The following PDE4D variants were observed in gnomAD, a reference collection of about 807,000 sequenced individuals.
The protein encoded by PDE4D is phosphodiesterase 4D.
PDE4D carries 24 observed loss-of-function variants against 87.4 expected under a neutral mutation model. That is an observed-to-expected ratio of 0.27 (90% confidence interval 0.20 to 0.39). PDE4D has a LOEUF of 0.39. Ranked by LOEUF, PDE4D falls within the 10% of genes least tolerant of loss-of-function variation. PDE4D has a pLI of 1.00. For missense variants in PDE4D, 714 were observed against 1,041.0 expected, an observed-to-expected ratio of 0.69 and a Z score of 4.32; for synonymous variants, 384 against 383.2, an observed-to-expected ratio of 1.00 and a Z score of -0.02.
intron 2 of PDE4D, among the ~76,000 whole-genome samples, chr5:60,066,064 G>A (rs554350147): frequency 5.1e-4 from 77 of 152,238 alleles, no homozygotes; most frequent in Non-Finnish European, 9.0e-4. Context: ...GTGTAAAAGT[G>A]TTCCTATTTC....
chr5:59,653,890 GA>G (rs1450577966), intron 1 of PDE4D, among the ~76,000 whole-genome samples: 3 of 139,686 alleles, frequency 2.1e-5, no homozygotes, highest in African/African-American at 7.8e-5. Flanking sequence ...GGGGAGAGGA[GA>G]AGGGTGGGAG....
At chr5:59,767,246 C>CA (rs1279629743) in intron 1 of PDE4D, among the ~76,000 whole-genome samples, 2 of 151,884 alleles carry the variant, frequency 1.3e-5, no homozygotes, top group Admixed American at 6.6e-5. Context: ...TCAACTAACA[C>CA]ACTCATTCTT....
intron 1 of PDE4D, among the ~76,000 whole-genome samples, chr5:59,739,615 A>G (rs1234190424): frequency 6.6e-6 from 1 of 152,154 alleles, no homozygotes; most frequent in Non-Finnish European, 1.5e-5. Flanking sequence ...AAAAAACTCA[A>G]TATTTGAGAT....
chr5:59,182,363 T>C (rs1741859356), intron 4 of PDE4D, among the ~76,000 whole-genome samples: 1 of 151,878 alleles, frequency 6.6e-6, no homozygotes, highest in African/African-American at 2.4e-5. Flanking sequence ...GCTCTAGTGA[T>C]TCCCCCCACC....
intron 1 of PDE4D, among the ~76,000 whole-genome samples, chr5:60,355,894 AG>A (rs1759578425): frequency 6.6e-6 from 1 of 152,158 alleles, no homozygotes; most frequent in African/African-American, 2.4e-5. Context: ...TTACTGTCTC[AG>A]GGGTAGCAGA....
intron 1 of PDE4D, among the ~76,000 whole-genome samples, chr5:59,675,444 GACAA>G (rs971595494): frequency 2.0e-5 from 3 of 152,154 alleles, no homozygotes; most frequent in African/African-American, 7.2e-5. Flanking sequence ...AATGGCAATG[GACAA>G]ACAGTCATGA....
At chr5:59,581,601 A>G (rs962849093) in intron 1 of PDE4D, among the ~76,000 whole-genome samples, 28 of 152,340 alleles carry the variant, frequency 1.8e-4, no homozygotes, top group African/African-American at 5.1e-4. Flanking sequence ...AAACTATTTT[A>G]CTACAGCAGA....
At chr5:59,776,641 C>A (rs1764107750) in intron 1 of PDE4D, among the ~76,000 whole-genome samples, 1 of 151,924 alleles carries the variant, frequency 6.6e-6, no homozygotes, top group Admixed American at 6.6e-5. Context: ...GAGAGCAATG[C>A]CTAAGTTAAT....
chr5:59,399,041 T>C (rs1176828566), intron 1 of PDE4D, among the ~76,000 whole-genome samples: 8 of 123,812 alleles, frequency 6.5e-5, no homozygotes, highest in African/African-American at 2.2e-4. Flanking sequence ...GAAGGACTTC[T>C]TCAAGGAGAA....
At chr5:60,313,761 T>C (rs1034865008) in intron 1 of PDE4D, among the ~76,000 whole-genome samples, 2 of 152,200 alleles carry the variant, frequency 1.3e-5, no homozygotes, top group Non-Finnish European at 2.9e-5. Context: ...GTAGACTTTA[T>C]CCCTGGGATA....
At position 59,138,532 on chromosome 5, in the gene PDE4D, G is replaced by A. The variant is rs564595835; in HGVS notation, c.808+42063C>T. Among the ~76,000 whole-genome samples, 24 of 152,228 alleles carry A rather than the reference G, an allele frequency of 1.6e-4. No homozygotes were observed. In the East Asian group the frequency reaches 2.3e-3, roughly 15 times the overall value. On this transcript the variant is annotated intron_variant, in intron 5 of 14. Transcript: ENST00000340635. The stretch of plus-strand genomic sequence containing the variant: ...GAACTCCTGACCTTGTGATCCACCC[G>A]CCTCCCAAGATTACATTGTCTAAGA...
chr5:59,314,680 T>C (rs1159558979), intron 1 of PDE4D: 1 of 152,166 alleles, frequency 6.6e-6, no homozygotes, highest in Non-Finnish European at 1.5e-5. Flanking sequence ...CCACGCTAAG[T>C]GGCTTCATGA....
chr5:59,738,765 TG>T (rs1156989500), intron 1 of PDE4D, among the ~76,000 whole-genome samples: 3 of 151,854 alleles, frequency 2.0e-5, no homozygotes, highest in African/African-American at 7.2e-5. Context: ...TTCTATAATT[TG>T]TAAAATAATA....
Position 59,599,729 on chromosome 5 carries a change from C to G in PDE4D, c.455+293439G>C, listed in dbSNP as rs567137382. 3.0e-4 allele frequency among the ~76,000 whole-genome samples: 46 copies of G among 152,208 alleles called. No homozygotes were observed. In the South Asian group the frequency reaches 8.9e-3, roughly 30 times the overall value. On this transcript the variant is annotated intron_variant, in intron 1 of 14. Transcript: ENST00000340635. ...TCTCCCCTCTCCCAGCTGGGCCCAC[C>G]ACAGAGTCTCTGTGTGCAGTGGAGT... is the stretch of plus-strand genomic sequence containing the variant.
At chr5:60,520,789 G>T (rs543114312) in intron 1 of PDE4D, among the ~76,000 whole-genome samples, 1 of 152,320 alleles carries the variant, frequency 6.6e-6, no homozygotes, top group East Asian at 1.9e-4. Flanking sequence ...TTCCCATCAG[G>T]AAAGTCTGGT....
At chr5:60,209,932 A>G (rs1326853523) in intron 1 of PDE4D, among the ~76,000 whole-genome samples, 1 of 152,194 alleles carries the variant, frequency 6.6e-6, no homozygotes, top group African/African-American at 2.4e-5. Context: ...TAAGTAAATT[A>G]CTTATTTTTA....
rs61374399 is a variant in PDE4D, at chr5:60,260,343, T to C, written c.-89-74656A>G. On this transcript the variant is annotated intron_variant, in intron 1 of 16. Transcript: ENST00000502484. ...AGCCCAGGATACTGAGTCATATCCATGCTAATCCTATGTCCTATACATCAT... is the reference window on the plus strand; with the variant it reads ...AGCCCAGGATACTGAGTCATATCCACGCTAATCCTATGTCCTATACATCAT... Among the ~76,000 whole-genome samples the C allele has an allele frequency of 3.8e-4, 58 of 152,150 alleles. 1 individual carries two copies. The East Asian group carries it at 0.011, about 28-fold the overall frequency.
intron 1 of PDE4D, among the ~76,000 whole-genome samples, chr5:60,361,436 A>C (rs1192359692): frequency 1.3e-5 from 2 of 152,246 alleles, no homozygotes; most frequent in East Asian, 3.8e-4. Flanking sequence ...TAACTACATG[A>C]GGAAAATAAG....
chr5:59,952,050 C>T (rs77475595), intron 3 of PDE4D, among the ~76,000 whole-genome samples: 3,869 of 152,196 alleles, frequency 0.025, 165 homozygotes, highest in African/African-American at 0.089. Context: ...GTAGAAGTAA[C>T]TGGATCATGG....
Sources: gnomAD v4.1 joint callset for allele counts (sites outside exome capture counted in the v4.1 genomes callset) on GRCh38, gnomAD v4.1.1 for gene constraint, MANE v1.5 for transcripts, NCBI Gene and HGNC (gene_info 2026-07-23, HGNC 2026-07-21) for gene names.